THADA: variants seen among roughly 807,000 people sequenced by gnomAD.
THADA encodes the protein THADA armadillo repeat containing.
Under a neutral mutation model 219.8 loss-of-function variants are expected in THADA, and 213 were observed. The observed-to-expected ratio is 0.97, with a 90% CI of 0.87 to 1.09. The LOEUF (loss-of-function observed/expected upper bound fraction) is 1.09, where lower values mean the gene tolerates loss of function less well. THADA is among the 50% of genes least tolerant of loss of function. The pLI is 0.00. For missense variants in THADA, 2,956 were observed against 2,311.3 expected (o/e 1.28, Z -5.72); for synonymous variants, 1,018 against 828.9 (o/e 1.23, Z -3.92).
chr2:43,549,365 G>T lies in THADA; in HGVS notation c.2951C>A (p.Ser984Ter). ...GLIPMDTDSE[S>*]ASRLQMILNE... ...CAGAATCATCTGTAAGCGGCTTGCT[G>T]ACTCTGAGGGAAAGAAATGAGCGTA... The change falls in exon 20 of 38, where the codon TCA becomes TAA. Residue 984 changes from serine to a stop codon, truncating the protein, a stop_gained. Transcript: ENST00000405975. LOFTEE classifies it high-confidence loss of function. 5 of 1,600,630 alleles carry T rather than the reference G, an allele frequency of 3.1e-6. No homozygotes were observed. The highest frequency in any genetic ancestry group is 4.3e-6 in the Non-Finnish European group (5 of 1,174,098).
intron 22 of THADA, among the ~76,000 whole-genome samples, chr2:43,525,597 C>A (rs1693070870): frequency 1.3e-5 from 2 of 152,140 alleles, no homozygotes; most frequent in South Asian, 4.1e-4. Context: ...CTAGCTAGTC[C>A]CACCAAGGTG....
At chr2:43,515,703 G>A (rs144817075) in intron 22 of THADA, among the ~76,000 whole-genome samples, 2 of 151,874 alleles carry the variant, frequency 1.3e-5, no homozygotes, top group African/African-American at 4.8e-5. Flanking sequence ...AAGCAGTGAA[G>A]GAAAACAACT....
At chr2:43,296,331 A>G (rs1217414865) in intron 31 of THADA, among the ~76,000 whole-genome samples, 1 of 151,518 alleles carries the variant, frequency 6.6e-6, no homozygotes, top group African/African-American at 2.4e-5. Flanking sequence ...GCTGGAGTGC[A>G]GTGGCACAAT....
intron 29 of THADA, among the ~76,000 whole-genome samples, chr2:43,346,433 T>C (rs2104544691): frequency 6.6e-6 from 1 of 152,186 alleles, no homozygotes; most frequent in South Asian, 2.1e-4. Context: ...GAAGGGCAAT[T>C]TGTCCACCAG....
intron 29 of THADA, among the ~76,000 whole-genome samples, chr2:43,367,174 TGAGA>T: frequency 6.6e-6 from 1 of 152,236 alleles, no homozygotes; most frequent in East Asian, 1.9e-4. Flanking sequence ...TGCTAGGGGC[TGAGA>T]GAAAGGAGAA....
In THADA at chr2:43,320,509, A is replaced by C. The variant is rs80019860; in HGVS notation, c.4375T>G (p.Tyr1459Asp). ...GTCAATAGGAAGAGAATATCAATAT[A>C]TACAGCTCTGGTCACCAAACATGGA... ...QNPCLVTRAV[Y>D]IDILFLLTCC... The change falls in exon 31 of 38, where the codon TAT becomes GAT. Residue 1459 changes from tyrosine to aspartate, a missense_variant. By Grantham distance (160) the Tyr-to-Asp change is radical (BLOSUM62 -3). Transcript: ENST00000405975. 3.7e-6 allele frequency: 6 copies of C among 1,613,330 alleles called. No individual in the cohort carries two copies. The highest frequency in any genetic ancestry group is 5.1e-6 in the Non-Finnish European group (6 of 1,179,666).
intron 29 of THADA, among the ~76,000 whole-genome samples, chr2:43,359,497 T>C (rs1207115390): frequency 6.6e-6 from 1 of 152,180 alleles, no homozygotes; most frequent in South Asian, 2.1e-4. Context: ...CTGGTCAACA[T>C]GGTGAAACCC....
chr2:43,250,636 C>T (rs1026383736), intron 36 of THADA, among the ~76,000 whole-genome samples: 3 of 151,942 alleles, frequency 2.0e-5, no homozygotes, highest in African/African-American at 7.3e-5. Flanking sequence ...AGGCCAAGAT[C>T]GAAGGATCCT....
chr2:43,246,104 T>C (rs1429545507), intron 36 of THADA, among the ~76,000 whole-genome samples: 1 of 151,932 alleles, frequency 6.6e-6, no homozygotes, highest in Non-Finnish European at 1.5e-5. Flanking sequence ...CCCAGCCTTA[T>C]CTAGAATCCA....
At chr2:43,264,288 C>CTT (rs397868826) in intron 36 of THADA, among the ~76,000 whole-genome samples, 55 of 141,168 alleles carry the variant, frequency 3.9e-4, no homozygotes, top group African/African-American at 1.2e-3. Flanking sequence ...TTTTTCTTTT[C>CTT]TTTTTTTTTT....
At chr2:43,445,385 C>T (rs1389735710) in intron 26 of THADA, among the ~76,000 whole-genome samples, 1 of 152,202 alleles carries the variant, frequency 6.6e-6, no homozygotes, top group Non-Finnish European at 1.5e-5. Flanking sequence ...AATCCAATCC[C>T]TACCTCAGAC....
chr2:43,407,976 C>T (rs1012751813), intron 28 of THADA, among the ~76,000 whole-genome samples: 4 of 152,160 alleles, frequency 2.6e-5, no homozygotes, highest in African/African-American at 9.7e-5. Context: ...ATTTATCCCA[C>T]TAATTTCAAT....
intron 26 of THADA, among the ~76,000 whole-genome samples, chr2:43,432,097 C>T (rs1170345299): frequency 1.6e-5 from 2 of 126,940 alleles, no homozygotes; most frequent in Non-Finnish European, 3.4e-5. Context: ...ACCTCGTGAT[C>T]CGCCCGCCTC....
Position 43,462,497 on chromosome 2 carries a change from A to C in THADA, c.3836+22737T>G, listed in dbSNP as rs184691177. On this transcript the variant is annotated intron_variant, in intron 26 of 37. Coordinates refer to ENST00000405975, the MANE Select transcript of THADA (RefSeq NM_022065.5). ...TGGTTTGATGTTTCAATTTCAAACT[A>C]AAATAGAAGGTAACAACCTCTAATA... 6.2e-4 allele frequency among the ~76,000 whole-genome samples: 95 copies of C among 152,346 alleles called. 1 individual carries two copies. The highest frequency in any genetic ancestry group is 3.9e-3 in the South Asian group (19 of 4,832).
intron 26 of THADA, among the ~76,000 whole-genome samples, chr2:43,478,438 A>C (rs2104988676): frequency 6.6e-6 from 1 of 152,272 alleles, no homozygotes; most frequent in African/African-American, 2.4e-5. Context: ...ACTGCTTGTA[A>C]ACCCCCTGAT....
chr2:43,539,536 G>C (rs899024649), intron 21 of THADA, among the ~76,000 whole-genome samples: 5 of 152,112 alleles, frequency 3.3e-5, no homozygotes, highest in Non-Finnish European at 7.4e-5. Context: ...TCAGCAATAC[G>C]AAGAATCAAG....
chr2:43,551,079 T>C (rs1195964125), intron 19 of THADA, among the ~76,000 whole-genome samples: 1 of 152,250 alleles, frequency 6.6e-6, no homozygotes, highest in East Asian at 1.9e-4. Flanking sequence ...AAACCTAATA[T>C]TCTCTGTGCA....
intron 10 of THADA, among the ~76,000 whole-genome samples, chr2:43,575,762 T>C (rs991272753): frequency 2.6e-5 from 4 of 152,104 alleles, no homozygotes; most frequent in Non-Finnish European, 5.9e-5. Flanking sequence ...GGTCTTGAAC[T>C]CCTGACCTCA....
chr2:43,574,085 C>T (rs1158711748), intron 11 of THADA, among the ~76,000 whole-genome samples: 3 of 152,088 alleles, frequency 2.0e-5, no homozygotes, highest in Non-Finnish European at 2.9e-5. Flanking sequence ...TGAATTAAAA[C>T]CTTGTAATAC....
Sources: allele counts gnomAD v4.1 joint callset (sites outside exome capture counted in the v4.1 genomes callset), GRCh38; gene constraint gnomAD v4.1.1; transcripts MANE v1.5; gene names NCBI Gene and HGNC (gene_info 2026-07-23, HGNC 2026-07-21).